Variants in PFKFB2 observed in about 807,000 individuals in gnomAD.
PFKFB2 encodes the protein 6-phosphofructo-2-kinase/fructose-2,6-bisphosphatase 2.
In PFKFB2, 53 loss-of-function variants were observed where a neutral mutation model predicts 68.0. The ratio of observed to expected loss-of-function variants is 0.78; its 90% CI spans 0.63 to 0.98. PFKFB2 has a LOEUF of 0.98. PFKFB2 is among the 50% of genes least tolerant of loss of function. The probability of loss-of-function intolerance (pLI) is 0.00; values close to 1 mark genes in which losing one functional copy is unlikely to be tolerated. For missense variants in PFKFB2, 451 were observed against 642.0 expected (o/e 0.70, Z 3.22); for synonymous variants, 222 against 227.6 (o/e 0.98, Z 0.22).
Position 207,070,926 on chromosome 1 carries a change from C to T in PFKFB2, c.1223-262C>T, listed in dbSNP as rs983060181. Among the ~76,000 whole-genome samples, 2 of 152,062 alleles carry T rather than the reference C, an allele frequency of 1.3e-5. No homozygotes were observed. Among genetic ancestry groups the T allele is most frequent in the Non-Finnish European group, 2.9e-5 (2 of 67,994 alleles). ...TTGGCCTTTGCTGTACCCAGGTGAC[C>T]CCCTTCCATTGGGCTCTCTGGCTAC... is the stretch of plus-strand genomic sequence containing the variant. On this transcript the variant is annotated intron_variant, in intron 12 of 14. Coordinates refer to ENST00000367080, the MANE Select transcript of PFKFB2 (RefSeq NM_006212.2). This position sits in a 1 kb window ranked among gnomAD's most constrained non-coding sequence, Gnocchi z 4.2.
intron 7 of PFKFB2, among the ~76,000 whole-genome samples, chr1:207,064,057 C>G (rs921090334): frequency 1.3e-5 from 2 of 152,184 alleles, no homozygotes; most frequent in Non-Finnish European, 2.9e-5. Flanking sequence ...TTTAAGGAAT[C>G]AAGTAAGAAT....
At chr1:207,068,114 G>A (rs778580734) in intron 9 of PFKFB2, 49 bp from the exon 10 acceptor site, 9 of 1,504,550 alleles carry the variant, frequency 6.0e-6, no homozygotes, top group Non-Finnish European at 1.8e-6. Context: ...GTGTGTGTGT[G>A]TGTCTGTGTG....
Position 207,042,496 on chromosome 1 carries a change from C to T in PFKFB2, c.-18+284C>T, listed in dbSNP as rs567466689. On this transcript the variant is annotated intron_variant, in intron 2 of 5. Coordinates refer to the PFKFB2 transcript ENST00000545806. ...CTGGCAGGCGGAGCTTGCAGTGAGC[C>T]GAGATCACCCCACTACGCTGCAGCC... 7.4e-5 allele frequency among the ~76,000 whole-genome samples: 10 copies of T among 135,086 alleles called. No individual in the cohort carries two copies. The South Asian group carries it at 1.9e-3, about 25-fold the overall frequency. The allele number at this position is 135,086 out of a possible 152,430, so 88.6% of individuals were successfully genotyped here.
intron 9 of PFKFB2, 72 bp from the exon 10 acceptor site, chr1:207,068,091 G>A (rs1369202913): frequency 2.5e-5 from 21 of 848,746 alleles, no homozygotes; most frequent in South Asian, 3.8e-5. Context: ...GTATGTGTGT[G>A]TTGAGTGTGT....
Position 207,076,383 on chromosome 1 carries a change from A to G in PFKFB2, c.*4012A>G. 1 of 985,232 alleles carries G rather than the reference A, an allele frequency of 1.0e-6. No individual in the cohort carries two copies. The highest frequency in any genetic ancestry group is 1.2e-6 in the Non-Finnish European group (1 of 829,892). The allele number at this position is 985,232 out of a possible 1,614,324, so 61.0% of individuals were successfully genotyped here. A position where few individuals can be genotyped will look rare whatever the true frequency, so the allele number is the denominator to read the frequency against. On this transcript the variant is annotated 3_prime_UTR_variant, in exon 15 of 15. Coordinates refer to ENST00000367080, the MANE Select transcript of PFKFB2 (RefSeq NM_006212.2). ...GTATCTGGGTTATGTAATCTTATGCACATTCCATTGTCTTTGCCAAGCCCA... is the reference window on the plus strand; with the variant it reads ...GTATCTGGGTTATGTAATCTTATGCGCATTCCATTGTCTTTGCCAAGCCCA...
chr1:207,052,826 T>C (rs1218623335), upstream of PFKFB2: 2 of 152,340 alleles, frequency 1.3e-5, no homozygotes, highest in East Asian at 3.9e-4. Flanking sequence ...TCAAGTGTTG[T>C]GGTAGTTTAT....
chr1:207,057,672 T>G lies in PFKFB2; in HGVS notation c.85+2870T>G, dbSNP rs543349068. On this transcript the variant is annotated intron_variant, in intron 2 of 14. Transcript: ENST00000367080. ...AAGCGAAAAGTAAAAGACTCCTGTT[T>G]CTTCCAAATTTGATTCTTTTAGACA... is the stretch of plus-strand genomic sequence containing the variant. Among the ~76,000 whole-genome samples, 3 of 152,330 alleles carry G rather than the reference T, an allele frequency of 2.0e-5. No homozygotes were observed. In the South Asian group the frequency reaches 6.2e-4, roughly 32 times the overall value.
chr1:207,068,312 G>T lies in PFKFB2; in HGVS notation c.987+3G>T. 1.3e-6 allele frequency: 2 copies of T among 1,563,920 alleles called. No homozygotes were observed. Among genetic ancestry groups the T allele is most frequent in the South Asian group, 1.2e-5 (1 of 82,590 alleles). On this transcript the variant is annotated splice_donor_region_variant and intron_variant, in intron 10 of 14. Transcript: ENST00000367080. ...AGATTCTGAATGAGATTGATGCTGT[G>T]AGTAGGAAGCTCTGAAGGCCCAGAA...
In PFKFB2 at chr1:207,045,987, C is replaced by T. The variant is rs376087738; in HGVS notation, c.-18+3775C>T. On this transcript the variant is annotated intron_variant, in intron 2 of 5. Transcript: ENST00000545806. ...TGAACCATTAGCAAAAGATGGAACA[C>T]ACTAATGTCTTCACTTGGCTAACAC... 30 of 152,150 alleles carry T rather than the reference C, an allele frequency of 2.0e-4. 1 individual carries two copies. Among genetic ancestry groups the T allele is most frequent in the African/African-American group, 6.5e-4 (27 of 41,542 alleles). The allele number at this position is 152,150 out of a possible 1,614,324, so 9.4% of individuals were successfully genotyped here.
At chr1:207,048,891 T>C, upstream of PFKFB2, 5 of 830,118 alleles carry the variant, frequency 6.0e-6, no homozygotes, top group Non-Finnish European at 9.5e-6. Context: ...AGTGTCTTAG[T>C]GGTTTTAAGT....
chr1:207,079,028 A>G (rs1403668930), downstream of PFKFB2: 2 of 1,604,770 alleles, frequency 1.2e-6, no homozygotes, highest in Non-Finnish European at 1.7e-6. Context: ...AATGATGTGG[A>G]TGTTCAGGCC....
rs574871072 is a variant in PFKFB2, at chr1:207,060,193, G to C, written c.86-1760G>C. On this transcript the variant is annotated intron_variant, in intron 2 of 14. Coordinates refer to ENST00000367080, the MANE Select transcript of PFKFB2 (RefSeq NM_006212.2). ...GAGGAACCTCTTTTTATGGAGAAAA[G>C]CTGCAAGGAAGCACAAGATCTGTGT... Among the ~76,000 whole-genome samples, 4 of 152,330 alleles carry C rather than the reference G, an allele frequency of 2.6e-5. No individual in the cohort carries two copies. In the East Asian group the frequency reaches 7.7e-4, roughly 29 times the overall value.
At chr1:207,079,294 T>G, downstream of PFKFB2, 1 of 536,110 alleles carries the variant, frequency 1.9e-6, no homozygotes, top group African/African-American at 1.9e-5. Flanking sequence ...TTGGTCCAAG[T>G]TGGTCAATCT....
chr1:207,074,663 T>A lies in PFKFB2; in HGVS notation c.*2292T>A, dbSNP rs1249442490. 1.0e-6 allele frequency: 1 copy of A among 985,296 alleles called. No homozygotes were observed. The highest frequency in any genetic ancestry group is 1.1e-4 in the East Asian group (1 of 8,820). The allele number at this position is 985,296 out of a possible 1,614,324, so 61.0% of individuals were successfully genotyped here. On this transcript the variant is annotated 3_prime_UTR_variant, in exon 15 of 15. Transcript: ENST00000367080. ...TGTTTAGTGGTTACATAACATGTAC[T>A]TAGTGTCTTTGTGGAGCTTTGGGCT...
Position 207,063,438 on chromosome 1 carries a change from T to C in PFKFB2, c.450+17T>C, listed in dbSNP as rs1683176978. 2 of 1,583,818 alleles carry C rather than the reference T, an allele frequency of 1.3e-6. No homozygotes were observed. Among genetic ancestry groups the C allele is most frequent in the Non-Finnish European group, 1.7e-6 (2 of 1,153,978 alleles). ...TCCTTCAAGGTAGGATCTGACTCCATGTTGGAGGAAAAGGGATGAGTAGAG... is the reference window on the plus strand; with the variant it reads ...TCCTTCAAGGTAGGATCTGACTCCACGTTGGAGGAAAAGGGATGAGTAGAG... On this transcript the variant is annotated intron_variant, in intron 6 of 14. Coordinates refer to ENST00000367080, the MANE Select transcript of PFKFB2 (RefSeq NM_006212.2). The surrounding 1 kb of genome is among the most constrained non-coding windows in gnomAD (Gnocchi z 4.1).
chr1:207,061,109 C>CTT lies in PFKFB2; in HGVS notation c.86-843_86-842insTT, dbSNP rs61063813. Among the ~76,000 whole-genome samples the CTT allele has an allele frequency of 2.4e-4, 19 of 79,530 alleles. 1 individual carries two copies. The highest frequency in any genetic ancestry group is 3.8e-4 in the African/African-American group (8 of 21,048). The allele number at this position is 79,530 out of a possible 152,430, so 52.2% of individuals were successfully genotyped here. On this transcript the variant is annotated intron_variant, in intron 2 of 14. Transcript: ENST00000367080. ...TCTTTATATATATCTTTATATATATCTATATATCTTTATATATATCTTTAT... is the reference window on the plus strand; with the variant it reads ...TCTTTATATATATCTTTATATATATCTTTATATATCTTTATATATATCTTTAT...
intron 2 of PFKFB2, among the ~76,000 whole-genome samples, chr1:207,061,165 TTATATATATATATATATATATATA>T (rs201702529): frequency 4.4e-5 from 2 of 45,208 alleles, no homozygotes; most frequent in Non-Finnish European, 8.3e-5. Flanking sequence ...ATATATATCT[TTATATATATATATATATATATATA>T]TATATATATA....
Position 207,070,876 on chromosome 1 carries a change from T to G in PFKFB2, c.1223-312T>G, listed in dbSNP as rs2883211. The stretch of plus-strand genomic sequence containing the variant: ...GCTGAGCTCAGCATCCTGAGCTGCT[T>G]GGAAGCTGTTGTGGTCAGACCTTAT... On this transcript the variant is annotated intron_variant, in intron 12 of 14. Transcript: ENST00000367080. This position sits in a 1 kb window ranked among gnomAD's most constrained non-coding sequence, Gnocchi z 4.2. The G allele has an allele frequency of 0.45, 135,978 of 301,742 alleles. 32,724 individuals carry two copies. Among genetic ancestry groups the G allele is most frequent in the East Asian group, 0.74 (9,104 of 12,228 alleles). 18.7% of individuals were successfully genotyped at this position (301,742 alleles called of 1,614,324 possible).
rs941942250 is a variant in PFKFB2 at position 207,073,977 on chromosome 1, A to G, written c.*1606A>G. 7.1e-6 allele frequency: 7 copies of G among 985,100 alleles called. No individual in the cohort carries two copies. Among genetic ancestry groups the G allele is most frequent in the Non-Finnish European group, 6.0e-6 (5 of 829,754 alleles). The allele number at this position is 985,100 out of a possible 1,614,324, so 61.0% of individuals were successfully genotyped here. On this transcript the variant is annotated 3_prime_UTR_variant, in exon 15 of 15. Transcript: ENST00000367080. Reference sequence around the variant, plus strand: ...TTTCCAAGGGTGTTTTCATTTGGTAATGGAAGACTTTTTGCTGTGGTTCTC... The same window carrying G: ...TTTCCAAGGGTGTTTTCATTTGGTAGTGGAAGACTTTTTGCTGTGGTTCTC...
Sources: gnomAD v4.1 joint callset for allele counts (sites outside exome capture counted in the v4.1 genomes callset) on GRCh38, gnomAD v4.1.1 for gene constraint, Gnocchi (gnomAD v3.1) non-coding constraint, MANE v1.5 for transcripts, NCBI Gene and HGNC (gene_info 2026-07-23, HGNC 2026-07-21) for gene names.